The following GSE1 variants were observed in gnomAD, a reference collection of about 807,000 sequenced individuals.
GSE1 encodes the protein Gse1 coiled-coil protein.
GSE1 carries 32 observed loss-of-function variants against 112.6 expected under a neutral mutation model. The observed-to-expected ratio is 0.28, with a 90% CI of 0.21 to 0.38. The LOEUF (loss-of-function observed/expected upper bound fraction) is 0.38. GSE1 is among the 10% of genes least tolerant of loss of function. GSE1 has a pLI of 1.00. For missense variants in GSE1, 2,348 were observed against 1,699.2 expected (o/e 1.38, Z -6.71); for synonymous variants, 1,115 against 735.6 (o/e 1.52, Z -8.35).
chr16:85,517,886 C>T (rs975193452), intron 2 of GSE1, among the ~76,000 whole-genome samples: 7 of 152,242 alleles, frequency 4.6e-5, no homozygotes, highest in African/African-American at 1.2e-4. Context: ...AAAGGCCTTG[C>T]GTGTGCCCCG....
At chr16:85,218,751 C>T (rs900410167) in intron 1 of GSE1, among the ~76,000 whole-genome samples, 2 of 152,230 alleles carry the variant, frequency 1.3e-5, no homozygotes, top group East Asian at 1.9e-4. Flanking sequence ...GCTGGTCTTG[C>T]GTCTACTTCA....
At chr16:85,589,450 T>C (rs546291858) in intron 1 of GSE1, among the ~76,000 whole-genome samples, 2 of 152,256 alleles carry the variant, frequency 1.3e-5, no homozygotes, top group South Asian at 2.1e-4. Flanking sequence ...TGGGCACTTT[T>C]GGAAGAACTC....
chr16:85,569,733 C>T (rs1457183600), intron 1 of GSE1, among the ~76,000 whole-genome samples: 1 of 152,216 alleles, frequency 6.6e-6, no homozygotes, highest in Non-Finnish European at 1.5e-5. Flanking sequence ...TTCCCTGCTT[C>T]TCAGGAACCG....
At chr16:85,247,423 A>T (rs951265646) in intron 1 of GSE1, among the ~76,000 whole-genome samples, 8 of 152,172 alleles carry the variant, frequency 5.3e-5, no homozygotes, top group Non-Finnish European at 2.9e-5. Flanking sequence ...GGCTTGGAGG[A>T]CTGTACAGGC....
intron 2 of GSE1, among the ~76,000 whole-genome samples, chr16:85,457,317 T>C (rs780050343): frequency 6.6e-6 from 1 of 152,144 alleles, no homozygotes; most frequent in African/African-American, 2.4e-5. Context: ...CACCCTGAGC[T>C]GGCAGATGGG....
chr16:85,471,314 A>T (rs2050288914), intron 2 of GSE1, among the ~76,000 whole-genome samples: 1 of 152,168 alleles, frequency 6.6e-6, no homozygotes, highest in Admixed American at 6.5e-5. Flanking sequence ...CGTAGCTCCA[A>T]CCTCATTTAG....
intron 2 of GSE1, among the ~76,000 whole-genome samples, chr16:85,527,016 G>T (rs889400021): frequency 1.3e-5 from 2 of 152,220 alleles, no homozygotes; most frequent in Non-Finnish European, 2.9e-5. Context: ...TAAAAATATT[G>T]TCCGTGGTGC....
intron 1 of GSE1, among the ~76,000 whole-genome samples, chr16:85,248,265 C>T (rs1373944606): frequency 6.6e-6 from 1 of 152,172 alleles, no homozygotes; most frequent in African/African-American, 2.4e-5. Flanking sequence ...TTTACCTTTC[C>T]CCTTCTCTGA....
At chr16:85,472,389 G>A (rs1337615674) in intron 2 of GSE1, among the ~76,000 whole-genome samples, 3 of 152,118 alleles carry the variant, frequency 2.0e-5, no homozygotes, top group African/African-American at 7.2e-5. Flanking sequence ...TGGCCACACT[G>A]CCGTGGTCCC....
chr16:85,625,120 G>A (rs926096279), intron 1 of GSE1, among the ~76,000 whole-genome samples: 10 of 152,026 alleles, frequency 6.6e-5, no homozygotes, highest in Non-Finnish European at 1.3e-4. Flanking sequence ...TTGGTCTGTC[G>A]TGCCCCTTTA....
At chr16:85,487,681 G>T (rs1204747054) in intron 2 of GSE1, among the ~76,000 whole-genome samples, 2 of 149,458 alleles carry the variant, frequency 1.3e-5, no homozygotes, top group Non-Finnish European at 3.0e-5. Flanking sequence ...GGCGACCCCA[G>T]AATAGAAGCA....
chr16:85,536,494 G>A (rs527967168), intron 2 of GSE1, among the ~76,000 whole-genome samples: 14 of 152,340 alleles, frequency 9.2e-5, no homozygotes, highest in African/African-American at 2.6e-4. Context: ...TGTGGGCCGC[G>A]GGCAGGGCTC....
chr16:85,284,338 G>A (rs1000764144), intron 1 of GSE1, among the ~76,000 whole-genome samples: 21 of 152,202 alleles, frequency 1.4e-4, no homozygotes, highest in African/African-American at 4.8e-4. Flanking sequence ...CCGAGGGAAA[G>A]AGAGAGAGGT....
chr16:85,461,928 T>C (rs558356919), intron 2 of GSE1, among the ~76,000 whole-genome samples: 1 of 152,162 alleles, frequency 6.6e-6, no homozygotes, highest in Admixed American at 6.5e-5. Context: ...TCCCAGCCCA[T>C]GGCTCTCAGC....
chr16:85,633,335 G>A (rs886120273), intron 1 of GSE1, among the ~76,000 whole-genome samples: 12 of 152,270 alleles, frequency 7.9e-5, no homozygotes, highest in South Asian at 4.1e-4. Context: ...CTGAGTGCCC[G>A]CGTGGACTGG....
intron 2 of GSE1, among the ~76,000 whole-genome samples, chr16:85,452,862 C>G: frequency 6.6e-6 from 1 of 152,176 alleles, no homozygotes; most frequent in Non-Finnish European, 1.5e-5. Flanking sequence ...CTGCCAGGCG[C>G]TGGGCTAGGT....
At chr16:85,594,258 G>A (rs1372741200) in intron 1 of GSE1, 1 of 149,742 alleles carries the variant, frequency 6.7e-6, no homozygotes, top group Non-Finnish European at 1.5e-5. Flanking sequence ...GAGGGGACAG[G>A]CGGGCAGGGG....
intron 2 of GSE1, among the ~76,000 whole-genome samples, chr16:85,550,352 C>T (rs1023501590): frequency 2.0e-5 from 3 of 152,108 alleles, no homozygotes; most frequent in Non-Finnish European, 1.5e-5. Flanking sequence ...CTCATGGTGA[C>T]CTTGAACCAG....
chr16:85,528,762 C>T (rs78860164), intron 2 of GSE1, among the ~76,000 whole-genome samples: 1,573 of 152,114 alleles, frequency 0.01, 36 homozygotes, highest in African/African-American at 0.037. Context: ...GATGTCTTAT[C>T]GTCTGGGGGA....
Sources: allele counts gnomAD v4.1 joint callset (sites outside exome capture counted in the v4.1 genomes callset), GRCh38; gene constraint gnomAD v4.1.1; transcripts MANE v1.5; gene names NCBI Gene and HGNC (gene_info 2026-07-23, HGNC 2026-07-21).